Variants in RUNX1 observed in about 807,000 individuals in gnomAD.
The protein encoded by RUNX1 is runt-related transcription factor 1.
A neutral mutation model predicts 42.8 loss-of-function variants in RUNX1; 19 were observed. The ratio of observed to expected loss-of-function variants is 0.44; its 90% CI spans 0.31 to 0.65. RUNX1 has a LOEUF of 0.65. RUNX1 is among the 30% of genes least tolerant of loss of function. RUNX1 has a pLI of 0.07. For missense variants in RUNX1, 528 were observed against 672.0 expected, an observed-to-expected ratio of 0.79 and a Z score of 2.37; for synonymous variants, 271 against 289.4, an observed-to-expected ratio of 0.94 and a Z score of 0.64.
intron 5 of RUNX1, among the ~76,000 whole-genome samples, chr21:34,873,160 T>C (rs1022770675): frequency 2.0e-5 from 3 of 152,224 alleles, no homozygotes; most frequent in Non-Finnish European, 2.9e-5. Context: ...GAAAAAAATC[T>C]GTAAAGACCC....
At chr21:34,803,747 C>T (rs2056641036) in intron 7 of RUNX1, among the ~76,000 whole-genome samples, 2 of 152,070 alleles carry the variant, frequency 1.3e-5, no homozygotes, top group African/African-American at 4.8e-5. Context: ...CCATTCCCTT[C>T]CATTTGAAAT....
chr21:34,962,840 T>C (rs1210000937), intron 2 of RUNX1, among the ~76,000 whole-genome samples: 1 of 152,244 alleles, frequency 6.6e-6, no homozygotes, highest in East Asian at 1.9e-4. Flanking sequence ...CCGTTGTCAC[T>C]GTCCTGACAA....
At chr21:34,860,652 G>C (rs556328428) in intron 5 of RUNX1, among the ~76,000 whole-genome samples, 7 of 152,248 alleles carry the variant, frequency 4.6e-5, no homozygotes, top group African/African-American at 1.4e-4. Context: ...CATCAATACA[G>C]TAGTTCTTTA....
chr21:34,946,584 A>AT (rs2058564681), intron 2 of RUNX1, among the ~76,000 whole-genome samples: 1 of 152,222 alleles, frequency 6.6e-6, no homozygotes, highest in Non-Finnish European at 1.5e-5. Context: ...ATAAAAAAAA[A>AT]GACTGTAGAG....
intron 2 of RUNX1, among the ~76,000 whole-genome samples, chr21:34,911,600 C>T (rs1308239125): frequency 6.6e-6 from 1 of 152,220 alleles, no homozygotes; most frequent in Non-Finnish European, 1.5e-5. Flanking sequence ...CAGCTCTGCC[C>T]TTGCCCCACT....
In RUNX1 at chr21:34,945,880, T is replaced by C. The variant is rs142434123; in HGVS notation, c.59-52917A>G. Among the ~76,000 whole-genome samples the C allele has an allele frequency of 2.6e-5, 4 of 152,308 alleles. No individual in the cohort carries two copies. In the East Asian group the frequency reaches 5.8e-4, roughly 22 times the overall value. ...TCTCTTCAGACTCCAGTCCCATGTC[T>C]TCATTTGCTACCTGGAAGCCTCACC... is the stretch of plus-strand genomic sequence containing the variant. On this transcript the variant is annotated intron_variant, in intron 2 of 8. Transcript: ENST00000675419.
chr21:34,847,443 T>G (rs1443832157), intron 6 of RUNX1, among the ~76,000 whole-genome samples: 5 of 151,682 alleles, frequency 3.3e-5, no homozygotes, highest in African/African-American at 1.2e-4. Flanking sequence ...TTATTTAAAA[T>G]CCCTAAGATT....
At chr21:34,840,018 C>T (rs912646304) in intron 6 of RUNX1, among the ~76,000 whole-genome samples, 1 of 152,174 alleles carries the variant, frequency 6.6e-6, no homozygotes, top group Non-Finnish European at 1.5e-5. Context: ...GCTGAAAATG[C>T]CCAAACTCTG....
chr21:34,952,530 G>A (rs553376244), intron 2 of RUNX1, among the ~76,000 whole-genome samples: 2 of 152,132 alleles, frequency 1.3e-5, no homozygotes, highest in Non-Finnish European at 2.9e-5. Flanking sequence ...GGCATGGAAT[G>A]GGGTCAATAT....
Position 34,792,676 on chromosome 21 carries a change from T to C in RUNX1, c.968-66A>G. 2 of 1,428,688 alleles carry C rather than the reference T, an allele frequency of 1.4e-6. No individual in the cohort carries two copies. Among genetic ancestry groups the C allele is most frequent in the Non-Finnish European group, 1.9e-6 (2 of 1,056,930 alleles). The allele number at this position is 1,428,688 out of a possible 1,614,324, so 88.5% of individuals were successfully genotyped here. On this transcript the variant is annotated intron_variant, in intron 8 of 8. Coordinates refer to ENST00000675419, the MANE Select transcript of RUNX1 (RefSeq NM_001754.5). This position sits in a 1 kb window ranked among gnomAD's most constrained non-coding sequence, Gnocchi z 6.9. ...GGTTGCGGAGGCCACAGCTCTTCCC[T>C]CTGCCCCAGGGGGCTACCCAGGATG...
chr21:34,870,379 T>C (rs1437718714), intron 5 of RUNX1, among the ~76,000 whole-genome samples: 2 of 152,212 alleles, frequency 1.3e-5, no homozygotes, highest in Non-Finnish European at 2.9e-5. Context: ...AAGTAGCTTG[T>C]TCAAGGACAG....
chr21:34,892,412 C>T (rs1339386689), intron 3 of RUNX1, among the ~76,000 whole-genome samples: 1 of 152,192 alleles, frequency 6.6e-6, no homozygotes, highest in East Asian at 1.9e-4. Context: ...CATCCTTCCT[C>T]CATCTGAATG....
chr21:34,889,467 G>C (rs1437972672), intron 3 of RUNX1, among the ~76,000 whole-genome samples: 1 of 152,178 alleles, frequency 6.6e-6, no homozygotes, highest in South Asian at 2.1e-4. Context: ...CCAGCGAAGA[G>C]TTTCCTAGTC....
rs2057375591 is a variant in RUNX1, at chr21:34,849,375, ATATACATAG to A, written c.613+10090_613+10098del. ...GTATATATAATATATTATATATACT[ATATACATAG>A]TATATATAATATATTATACTATATA... On this transcript the variant is annotated intron_variant, in intron 6 of 8. Coordinates refer to ENST00000675419, the MANE Select transcript of RUNX1 (RefSeq NM_001754.5). 1.1e-4 allele frequency among the ~76,000 whole-genome samples: 6 copies of A among 53,000 alleles called. 1 individual carries two copies. The Admixed American group carries it at 2.3e-3, about 20-fold the overall frequency. 34.8% of individuals were successfully genotyped at this position (53,000 alleles called of 152,430 possible).
chr21:34,898,857 C>T (rs1326448161), intron 2 of RUNX1, among the ~76,000 whole-genome samples: 1 of 152,210 alleles, frequency 6.6e-6, no homozygotes, highest in African/African-American at 2.4e-5. Context: ...AGTGTTGCCA[C>T]TGCCGCTGGT....
chr21:34,835,952 T>G (rs1601418871), intron 6 of RUNX1, among the ~76,000 whole-genome samples: 1 of 152,222 alleles, frequency 6.6e-6, no homozygotes, highest in African/African-American at 2.4e-5. Flanking sequence ...ACTTGCATGA[T>G]GGCTGCAAAT....
intron 7 of RUNX1, among the ~76,000 whole-genome samples, chr21:34,825,406 C>G (rs1212897361): frequency 6.6e-6 from 1 of 152,004 alleles, no homozygotes; most frequent in Non-Finnish European, 1.5e-5. Context: ...TATAGGTGCT[C>G]TAGAAAATAT....
At position 34,934,695 on chromosome 21, in the gene RUNX1, G is replaced by T. The variant is rs80050430; in HGVS notation, c.59-41732C>A. On this transcript the variant is annotated intron_variant, in intron 2 of 8. Coordinates refer to ENST00000675419, the MANE Select transcript of RUNX1 (RefSeq NM_001754.5). ...TATAGGAGCATCTTTGTGGACACTG[G>T]GTCTGCAGGTCTAGCAGTAACAGAG... Among the ~76,000 whole-genome samples, 769 of 152,246 alleles carry T rather than the reference G, an allele frequency of 5.1e-3. 6 individuals are homozygous for T. Among genetic ancestry groups the T allele is most frequent in the South Asian group, 0.03 (147 of 4,822 alleles).
chr21:34,828,198 C>A (rs1317109154), intron 7 of RUNX1, among the ~76,000 whole-genome samples: 1 of 152,240 alleles, frequency 6.6e-6, no homozygotes, highest in Non-Finnish European at 1.5e-5. Context: ...GAAGGCAGAA[C>A]ATGGAGTCAA....
Sources: allele counts gnomAD v4.1 joint callset (sites outside exome capture counted in the v4.1 genomes callset), GRCh38; gene constraint gnomAD v4.1.1; non-coding constraint Gnocchi (gnomAD v3.1); transcripts MANE v1.5; gene names NCBI Gene and HGNC (gene_info 2026-07-23, HGNC 2026-07-21).